CAPS2: variants seen among roughly 807,000 people sequenced by gnomAD.
CAPS2 encodes the protein calcyphosine 2.
A neutral mutation model predicts 86.5 loss-of-function variants in CAPS2; 98 were observed. That is an observed-to-expected ratio of 1.13 (90% CI 0.96 to 1.34). The LOEUF (loss-of-function observed/expected upper bound fraction) is 1.34. Among genes scored for constraint, CAPS2 ranks in the 40% most tolerant of loss-of-function variants. CAPS2 has a pLI of 0.00. For missense variants in CAPS2, 729 were observed against 686.8 expected (o/e 1.06, Z -0.69); for synonymous variants, 210 against 225.1 (o/e 0.93, Z 0.60).
At chr12:75,276,976 C>T (rs2033044230), downstream of CAPS2, 2 of 984,306 alleles carry the variant, frequency 2.0e-6, no homozygotes, top group East Asian at 1.1e-4. Flanking sequence ...AAGTTTAACA[C>T]TAAATAACAG....
At chr12:75,387,129 T>G (rs564981895) in intron 1 of CAPS2, among the ~76,000 whole-genome samples, 1 of 152,208 alleles carries the variant, frequency 6.6e-6, no homozygotes, top group Non-Finnish European at 1.5e-5. Flanking sequence ...AAACAAGCCA[T>G]GGCCTGGGAG....
rs1297781929 is a variant in CAPS2 at position 75,304,890 on chromosome 12, T to C, written c.660-14A>G. ...CTGATGACAGCCCTATACAGGAAAA[T>C]AAAAAGTCCAACAATTAAATATGAT... On this transcript the variant is annotated splice_polypyrimidine_tract_variant and intron_variant, in intron 7 of 16. Transcript: ENST00000393284. 1 of 1,602,086 alleles carries C rather than the reference T, an allele frequency of 6.2e-7. No individual in the cohort carries two copies. Among genetic ancestry groups the C allele is most frequent in the African/African-American group, 1.3e-5 (1 of 74,600 alleles).
chr12:75,321,634 T>C (rs1034472544), intron 4 of CAPS2, 58 bp from the exon 5 acceptor site: 13 of 1,286,500 alleles, frequency 1.0e-5, no homozygotes, highest in Admixed American at 2.2e-5. Flanking sequence ...ATTTTCCTTA[T>C]TGGCATTAAC....
At chr12:75,309,350 G>A (rs571448591) in intron 7 of CAPS2, among the ~76,000 whole-genome samples, 10 of 152,200 alleles carry the variant, frequency 6.6e-5, no homozygotes, top group Middle Eastern at 3.4e-3. Context: ...CGTGTGTCTC[G>A]TCCAGTTCTT....
intron 14 of CAPS2, among the ~76,000 whole-genome samples, chr12:75,288,064 A>G (rs1244061600): frequency 6.6e-6 from 1 of 152,198 alleles, no homozygotes; most frequent in African/African-American, 2.4e-5. Context: ...GTTGATTATT[A>G]CTGTGTGAAA....
At chr12:75,322,945 T>C in intron 4 of CAPS2, 1 of 1,233,822 alleles carries the variant, frequency 8.1e-7, no homozygotes, top group East Asian at 2.5e-5. Context: ...AATAAAATTC[T>C]GAAAATTGAT....
chr12:75,310,982 C>G (rs1165535181), intron 7 of CAPS2, among the ~76,000 whole-genome samples: 1 of 152,178 alleles, frequency 6.6e-6, no homozygotes, highest in Admixed American at 6.5e-5. Context: ...GCCCTTCCAG[C>G]CATGGCAAGC....
Position 75,298,667 on chromosome 12 carries a change from C to G in CAPS2, c.1044+20G>C. ...TCCACCATCTGGTATTAAATGTGTGCACACACACACACCACTTACAACATA... is the reference window on the plus strand; with the variant it reads ...TCCACCATCTGGTATTAAATGTGTGGACACACACACACCACTTACAACATA... On this transcript the variant is annotated intron_variant, in intron 11 of 16. Transcript: ENST00000393284. 1 of 1,467,672 alleles carries G rather than the reference C, an allele frequency of 6.8e-7. No homozygotes were observed. Among genetic ancestry groups the G allele is most frequent in the East Asian group, 2.3e-5 (1 of 43,650 alleles). The allele number at this position is 1,467,672 out of a possible 1,614,324, so 90.9% of individuals were successfully genotyped here. A position where few individuals can be genotyped will look rare whatever the true frequency, so the allele number is the denominator to read the frequency against.
chr12:75,390,716 C>A, intron 1 of CAPS2: 1 of 459,688 alleles, frequency 2.2e-6, no homozygotes. Context: ...AGACCTGTTA[C>A]TCAGCAATTG....
At chr12:75,362,826 A>T (rs2043696624) in intron 1 of CAPS2, among the ~76,000 whole-genome samples, 1 of 152,150 alleles carries the variant, frequency 6.6e-6, no homozygotes, top group Non-Finnish European at 1.5e-5. Context: ...TATGACAAAA[A>T]CTTTGCAACT....
At chr12:75,370,227 T>TAAGAG (rs1257845727) in intron 1 of CAPS2, 1 of 939,376 alleles carries the variant, frequency 1.1e-6, no homozygotes, top group Non-Finnish European at 1.7e-6. Context: ...AAGGAATAGT[T>TAAGAG]TATTGCTTAA....
intron 15 of CAPS2, among the ~76,000 whole-genome samples, chr12:75,282,814 T>C (rs1682558356): frequency 1.3e-5 from 2 of 152,162 alleles, no homozygotes; most frequent in African/African-American, 4.8e-5. Context: ...AAAGAACAAT[T>C]ATAAATACAG....
intron 1 of CAPS2, chr12:75,363,283 C>T (rs1442779752): frequency 4.0e-6 from 2 of 494,324 alleles, no homozygotes; most frequent in African/African-American, 4.1e-5. Flanking sequence ...AGTTTACAAA[C>T]TATGGACAAG....
At chr12:75,293,517 T>G in intron 11 of CAPS2, 150 bp from the exon 12 acceptor site, 1 of 623,256 alleles carries the variant, frequency 1.6e-6, no homozygotes, top group East Asian at 2.9e-5. Flanking sequence ...TATATGTATT[T>G]GGAGAAACTA....
chr12:75,313,946 C>A (rs1321068051), intron 6 of CAPS2, among the ~76,000 whole-genome samples: 2 of 152,050 alleles, frequency 1.3e-5, no homozygotes, highest in East Asian at 1.9e-4. Flanking sequence ...TTGAGACAGG[C>A]TCTTGCTATG....
chr12:75,306,463 C>T (rs1565857702), intron 7 of CAPS2: 1 of 266,662 alleles, frequency 3.8e-6, no homozygotes, highest in East Asian at 8.6e-5. Flanking sequence ...GCAGTATTCA[C>T]GTGTAACTTT....
exon 17 of CAPS2, chr12:75,278,811 C>A: frequency 3.7e-6 from 5 of 1,342,228 alleles, no homozygotes; most frequent in South Asian, 2.3e-5. Flanking sequence ...AAATATATTC[C>A]AGTGTTTGAT....
At chr12:75,289,809 T>A in intron 13 of CAPS2, 34 bp from the exon 14 acceptor site, 1 of 1,526,126 alleles carries the variant, frequency 6.6e-7, no homozygotes, top group Non-Finnish European at 9.0e-7. Context: ...AAACAAATTG[T>A]TCCTATGCAT....
At position 75,298,679 on chromosome 12, in the gene CAPS2, C is replaced by G; in HGVS notation, c.1044+8G>C. The G allele has an allele frequency of 6.2e-7, 1 of 1,608,026 alleles. No homozygotes were observed. Among genetic ancestry groups the G allele is most frequent in the Non-Finnish European group, 8.5e-7 (1 of 1,174,508 alleles). ...TATTAAATGTGTGCACACACACACA[C>G]CACTTACAACATAAAAATCACCAAG... On this transcript the variant is annotated splice_region_variant and intron_variant, in intron 11 of 16. Coordinates refer to ENST00000393284, the Ensembl canonical transcript of CAPS2.
Sources: gnomAD v4.1 joint callset for allele counts (sites outside exome capture counted in the v4.1 genomes callset) on GRCh38, gnomAD v4.1.1 for gene constraint, MANE v1.5 for transcripts, NCBI Gene and HGNC (gene_info 2026-07-23, HGNC 2026-07-21) for gene names.